Variants in ENOSF1 observed in about 807,000 individuals in gnomAD.
ENOSF1 encodes enolase superfamily member 1.
ENOSF1 carries 73 observed loss-of-function variants against 68.2 expected under a neutral mutation model. The observed-to-expected ratio is 1.07, with a 90% CI of 0.89 to 1.30. ENOSF1 has a LOEUF of 1.30. Among genes scored for constraint, ENOSF1 ranks in the 50% most tolerant of loss-of-function variants. ENOSF1 has a pLI of 0.00. For missense variants in ENOSF1, 589 were observed against 554.5 expected (o/e 1.06, Z -0.62); for synonymous variants, 223 against 210.4 (o/e 1.06, Z -0.52).
intron 2 of ENOSF1, 29 bp downstream of exon 2, chr18:706,441 C>G (rs1393199945): frequency 7.0e-7 from 1 of 1,432,370 alleles, no homozygotes; most frequent in Admixed American, 1.7e-5. Flanking sequence ...ATTAAGCATT[C>G]TGGAACCTCG....
At position 694,635 on chromosome 18, in the gene ENOSF1, A is replaced by C. The variant is rs113761822; in HGVS notation, c.310-301T>G. 4.7e-3 allele frequency among the ~76,000 whole-genome samples: 716 copies of C among 152,122 alleles called. 7 individuals carry two copies. The highest frequency in any genetic ancestry group is 0.016 in the African/African-American group (675 of 41,436). On this transcript the variant is annotated intron_variant, in intron 3 of 15. Transcript: ENST00000647584. ...AGAGCAAGACTCTGTCTCAAAAAAA[A>C]AAAAAAAGAGAGAGAGAGAAAGATA...
chr18:677,152 C>CGTGAGTCAG (rs2075595139), intron 14 of ENOSF1, among the ~76,000 whole-genome samples, 193 bp downstream of exon 14: 1 of 152,082 alleles, frequency 6.6e-6, no homozygotes, highest in African/African-American at 2.4e-5. Flanking sequence ...GCTACCAGAC[C>CGTGAGTCAG]CTATCTTAGG....
chr18:675,726 G>T (rs2075430713), intron 14 of ENOSF1, among the ~76,000 whole-genome samples: 1 of 152,200 alleles, frequency 6.6e-6, no homozygotes, highest in East Asian at 1.9e-4. Context: ...AAAGTCAGAT[G>T]AATAGATTAA....
intron 3 of ENOSF1, among the ~76,000 whole-genome samples, chr18:696,645 T>C (rs2741176): frequency 0.33 from 50,721 of 152,030 alleles, 8,706 homozygotes; most frequent in Admixed American, 0.37. Flanking sequence ...AGATAGCTCT[T>C]AGGACCCAAA....
intron 11 of ENOSF1, among the ~76,000 whole-genome samples, chr18:679,858 G>A (rs2075900846): frequency 1.3e-5 from 2 of 152,184 alleles, no homozygotes; most frequent in African/African-American, 4.8e-5. Flanking sequence ...CTTTGCTTAG[G>A]GTAATAGTAA....
At chr18:687,054 A>G (rs2076677144) in intron 9 of ENOSF1, 1 of 140,418 alleles carries the variant, frequency 7.1e-6, no homozygotes, top group South Asian at 2.2e-4. Flanking sequence ...AGGGAGGGCA[A>G]ACAGCACTTA....
rs571297545 is a variant in ENOSF1 at position 699,808 on chromosome 18, G to A, written c.194-2453C>T. Among the ~76,000 whole-genome samples the A allele has an allele frequency of 5.9e-5, 9 of 152,264 alleles. No individual in the cohort carries two copies. The South Asian group carries it at 1.7e-3, about 28-fold the overall frequency. On this transcript the variant is annotated intron_variant, in intron 2 of 15. Coordinates refer to ENST00000647584, the MANE Select transcript of ENOSF1 (RefSeq NM_017512.7). ...GAAAGTGGTGCCCCAGGCTGGGCGC[G>A]GTGGCTCACGTCTGTAATCCTAGCA...
chr18:705,044 G>T (rs1336393849), intron 2 of ENOSF1, among the ~76,000 whole-genome samples: 1 of 152,216 alleles, frequency 6.6e-6, no homozygotes, highest in Non-Finnish European at 1.5e-5. Flanking sequence ...AGTGTCCATT[G>T]AAAGTTCAAG....
At chr18:667,456 A>G (rs1372289096), downstream of ENOSF1, among the ~76,000 whole-genome samples, 1 of 1,152 alleles carries the variant, frequency 8.7e-4, no homozygotes, top group African/African-American at 5.0e-3. Context: ...GGTGATGGTG[A>G]TGATGGAGAT....
Position 693,026 on chromosome 18 carries a change from C to T in ENOSF1, c.423+856G>A, listed in dbSNP as rs915807092. 25 of 1,251,714 alleles carry T rather than the reference C, an allele frequency of 2.0e-5. No homozygotes were observed. The East Asian group carries it at 7.4e-4, about 37-fold the overall frequency. The allele number at this position is 1,251,714 out of a possible 1,614,324, so 77.5% of individuals were successfully genotyped here. ...CACCCAGGTGTTGCACTGAGGCCACCGCAGCTCAGAGTGGGGAAGTCACAT... is the reference window on the plus strand; with the variant it reads ...CACCCAGGTGTTGCACTGAGGCCACTGCAGCTCAGAGTGGGGAAGTCACAT... On this transcript the variant is annotated intron_variant, in intron 5 of 15. Transcript: ENST00000647584.
chr18:685,991 C>A lies in ENOSF1; in HGVS notation c.671G>T (p.Gly224Val), dbSNP rs771396295. ...DGWTRFKVKVGADLQDDMRRC... is the reference protein window; with the variant it reads ...DGWTRFKVKVVADLQDDMRRC... Reference sequence around the variant, plus strand: ...TCGCATGTCATCCTGGAGATCAGCACCCACCTTTACTTTAAACCTAGAAAA... The same window carrying A: ...TCGCATGTCATCCTGGAGATCAGCAACCACCTTTACTTTAAACCTAGAAAA... The change falls in exon 10 of 16, where the codon GGT becomes GTT. Residue 224 changes from glycine to valine, a missense_variant. Coordinates refer to ENST00000647584, the MANE Select transcript of ENOSF1 (RefSeq NM_017512.7). The A allele has an allele frequency of 6.2e-7, 1 of 1,613,984 alleles. No homozygotes were observed.
intron 3 of ENOSF1, among the ~76,000 whole-genome samples, chr18:695,731 T>A (rs184597612): frequency 6.6e-6 from 1 of 152,182 alleles, no homozygotes; most frequent in Non-Finnish European, 1.5e-5. Flanking sequence ...AGGCGTGAGC[T>A]ACTGTGCCCA....
In ENOSF1 at chr18:706,532, T is replaced by A; in HGVS notation, c.131A>T (p.Asp44Val). The A allele has an allele frequency of 1.2e-6, 2 of 1,614,004 alleles. No homozygotes were observed. The highest frequency in any genetic ancestry group is 2.7e-5 in the African/African-American group (2 of 75,014). ...YSAAYVVIET[D>V]AEDGIKGCGI... ...ACACCCCTTGATTCCATCTTCTGCATCAGTTTCTATGACGACATAGGCAGC... is the reference window on the plus strand; with the variant it reads ...ACACCCCTTGATTCCATCTTCTGCAACAGTTTCTATGACGACATAGGCAGC... Residue 44 changes from aspartate (D) to valine (V), a missense_variant, in exon 2 of 16, where the codon GAT (aspartate) becomes GTT (valine). Physicochemically the swap from Asp to Val is radical, Grantham distance 152. Coordinates refer to ENST00000647584, the MANE Select transcript of ENOSF1 (RefSeq NM_017512.7).
In ENOSF1 at chr18:683,351, C is replaced by A; in HGVS notation, c.771G>T (p.Val257=). The A allele has an allele frequency of 6.2e-7, 1 of 1,614,162 alleles. No individual in the cohort carries two copies. Among genetic ancestry groups the A allele is most frequent in the Non-Finnish European group, 8.5e-7 (1 of 1,180,042 alleles). Residue 257 remains valine, a synonymous_variant, in exon 11 of 16, where the codon GTG becomes GTT. Transcript: ENST00000647584. ...TGGACATCCACTCCACCGCCTCAGG[C>A]ACATCCCAGCGCTGGTTGGCATCCA... ...LMMDANQRWD[V]PEAVEWMSKL...
At chr18:677,157 C>T (rs1467984496) in intron 14 of ENOSF1, among the ~76,000 whole-genome samples, 188 bp downstream of exon 14, 1 of 152,158 alleles carries the variant, frequency 6.6e-6, no homozygotes, top group African/African-American at 2.4e-5. Flanking sequence ...CAGACCCTAT[C>T]TTAGGAGGCA....
At chr18:696,553 C>T (rs901347682) in intron 3 of ENOSF1, among the ~76,000 whole-genome samples, 1 of 152,044 alleles carries the variant, frequency 6.6e-6, no homozygotes, top group Non-Finnish European at 1.5e-5. Flanking sequence ...ATTATTTCTC[C>T]ATAAAGAGAT....
intron 12 of ENOSF1, among the ~76,000 whole-genome samples, chr18:678,097 T>A (rs916121902): frequency 1.3e-5 from 2 of 152,194 alleles, no homozygotes; most frequent in African/African-American, 2.4e-5. Context: ...TGCAACAGTG[T>A]GAGTCAGGTC....
At chr18:678,381 A>G (rs950237823) in intron 12 of ENOSF1, 9 of 442,366 alleles carry the variant, frequency 2.0e-5, no homozygotes, top group Admixed American at 1.5e-4. Context: ...TGTTTATTCA[A>G]TTTGAAAGCT....
chr18:700,120 A>G (rs920849520), intron 2 of ENOSF1, among the ~76,000 whole-genome samples: 2 of 152,180 alleles, frequency 1.3e-5, no homozygotes, highest in African/African-American at 2.4e-5. Flanking sequence ...CTTTTAGCAC[A>G]TGCCTGGCTA....
Sources: gnomAD v4.1 joint callset for allele counts (sites outside exome capture counted in the v4.1 genomes callset) on GRCh38, gnomAD v4.1.1 for gene constraint, MANE v1.5 for transcripts, NCBI Gene and HGNC (gene_info 2026-07-23, HGNC 2026-07-21) for gene names.